The following NDST4 variants were observed in gnomAD, a reference collection of about 807,000 sequenced individuals.
The protein encoded by NDST4 is N-deacetylase and N-sulfotransferase 4.
In NDST4, 63 loss-of-function variants were observed where a neutral mutation model predicts 100.8. The observed-to-expected ratio is 0.62, with a 90% CI of 0.51 to 0.77. NDST4 has a LOEUF of 0.77. Among genes scored for constraint, NDST4 ranks in the 30% least tolerant of loss-of-function variants. The probability of loss-of-function intolerance (pLI) is 0.00; values close to 1 mark genes in which losing one functional copy is unlikely to be tolerated. For missense variants in NDST4, 943 were observed against 1,018.4 expected, an observed-to-expected ratio of 0.93 and a Z score of 1.01; for synonymous variants, 377 against 361.8, an observed-to-expected ratio of 1.04 and a Z score of -0.48.
intron 6 of NDST4, among the ~76,000 whole-genome samples, chr4:114,879,432 T>C (rs1724320593): frequency 6.6e-6 from 1 of 152,062 alleles, no homozygotes; most frequent in African/African-American, 2.4e-5. Flanking sequence ...GATGAGGTGA[T>C]GTCTTGTTTT....
chr4:114,939,613 A>G (rs1236435093), intron 4 of NDST4, among the ~76,000 whole-genome samples: 2 of 152,132 alleles, frequency 1.3e-5, no homozygotes, highest in Non-Finnish European at 2.9e-5. Flanking sequence ...ATATCAAACA[A>G]CTATATCTCC....
chr4:114,925,505 A>G (rs1209210078), intron 6 of NDST4, among the ~76,000 whole-genome samples: 2 of 152,170 alleles, frequency 1.3e-5, no homozygotes, highest in Admixed American at 6.5e-5. Context: ...CTGCTATTAG[A>G]TTCCATGAAC....
At chr4:115,108,646 A>G (rs1426911702) in intron 1 of NDST4, among the ~76,000 whole-genome samples, 1 of 151,872 alleles carries the variant, frequency 6.6e-6, no homozygotes, top group African/African-American at 2.4e-5. Flanking sequence ...GGAGTGTTGG[A>G]AAAAAAAGAA....
intron 7 of NDST4, among the ~76,000 whole-genome samples, chr4:114,856,833 T>C (rs555339783): frequency 1.1e-3 from 169 of 152,346 alleles, no homozygotes; most frequent in African/African-American, 3.9e-3. Context: ...TTTAGGAGCC[T>C]GCCACCTTTT....
At chr4:114,913,709 G>T (rs555698414) in intron 6 of NDST4, among the ~76,000 whole-genome samples, 1 of 146,476 alleles carries the variant, frequency 6.8e-6, no homozygotes, top group Non-Finnish European at 1.5e-5. Flanking sequence ...GAACCCCTGT[G>T]GGTTAATAAA....
intron 1 of NDST4, among the ~76,000 whole-genome samples, chr4:115,100,753 T>C (rs1026500366): frequency 6.6e-6 from 1 of 151,770 alleles, no homozygotes; most frequent in African/African-American, 2.4e-5. Flanking sequence ...GCACGGAGAA[T>C]TTCTGGAAAT....
At chr4:114,831,146 G>A (rs1245911099) in intron 12 of NDST4, among the ~76,000 whole-genome samples, 1 of 150,132 alleles carries the variant, frequency 6.7e-6, no homozygotes, top group African/African-American at 2.5e-5. Flanking sequence ...TCCGCTTCCC[G>A]GGTTCACGCC....
intron 2 of NDST4, among the ~76,000 whole-genome samples, chr4:115,024,195 T>C (rs1290514893): frequency 1.3e-5 from 2 of 152,030 alleles, no homozygotes; most frequent in African/African-American, 4.8e-5. Flanking sequence ...GTGAAGCCAC[T>C]CTAGAGAATC....
chr4:114,863,068 T>C (rs1723950846), intron 7 of NDST4, among the ~76,000 whole-genome samples: 1 of 152,188 alleles, frequency 6.6e-6, no homozygotes, highest in Admixed American at 6.6e-5. Flanking sequence ...CGGATGTTTG[T>C]ATTTTCTATT....
intron 1 of NDST4, among the ~76,000 whole-genome samples, chr4:115,081,915 T>G (rs1209617641): frequency 6.6e-6 from 1 of 152,154 alleles, no homozygotes; most frequent in East Asian, 1.9e-4. Context: ...TTATTAACCA[T>G]CAAACCAAGT....
chr4:115,106,135 T>A (rs1479430151), intron 1 of NDST4, among the ~76,000 whole-genome samples: 1 of 152,066 alleles, frequency 6.6e-6, no homozygotes, highest in Non-Finnish European at 1.5e-5. Flanking sequence ...GGCAAAAATA[T>A]CTGGTTCACC....
chr4:115,015,888 G>A (rs1424234442), intron 2 of NDST4, among the ~76,000 whole-genome samples: 1 of 151,990 alleles, frequency 6.6e-6, no homozygotes, highest in East Asian at 1.9e-4. Context: ...TCCTGATATG[G>A]TATCATTCCC....
chr4:114,844,115 T>C (rs1336472559), intron 10 of NDST4, among the ~76,000 whole-genome samples: 1 of 152,204 alleles, frequency 6.6e-6, no homozygotes, highest in Non-Finnish European at 1.5e-5. Context: ...GATTTTAATG[T>C]CTAAATATCT....
At chr4:115,111,595 A>T (rs1180496192) in intron 1 of NDST4, among the ~76,000 whole-genome samples, 1 of 151,686 alleles carries the variant, frequency 6.6e-6, no homozygotes. Flanking sequence ...ATATATTTGC[A>T]TTAATCAATT....
intron 6 of NDST4, among the ~76,000 whole-genome samples, chr4:114,900,996 T>G (rs560573573): frequency 3.8e-4 from 57 of 150,822 alleles, no homozygotes; most frequent in African/African-American, 1.3e-3. Flanking sequence ...TCCACTATAG[T>G]CTGAGATCAG....
intron 2 of NDST4, among the ~76,000 whole-genome samples, chr4:115,019,546 T>C (rs1727762516): frequency 6.6e-6 from 1 of 152,110 alleles, no homozygotes; most frequent in Non-Finnish European, 1.5e-5. Context: ...TAGAACTCAG[T>C]ATGTACGAGG....
Position 114,862,290 on chromosome 4 carries a change from G to C in NDST4, c.1719+8478C>G, listed in dbSNP as rs185355793. ...GGCAGTCCCAGAAGCTAGTTAATGA[G>C]TACACCATCACTTTAGAACTTAAAC... On this transcript the variant is annotated intron_variant, in intron 7 of 13. Transcript: ENST00000264363. Among the ~76,000 whole-genome samples the C allele has an allele frequency of 4.7e-4, 71 of 152,162 alleles. 1 individual carries two copies. Among genetic ancestry groups the C allele is most frequent in the African/African-American group, 1.6e-3 (67 of 41,514 alleles).
intron 6 of NDST4, among the ~76,000 whole-genome samples, chr4:114,874,562 T>G (rs2126198341): frequency 6.6e-6 from 1 of 152,314 alleles, no homozygotes; most frequent in Non-Finnish European, 1.5e-5. Flanking sequence ...GGTCAATTGG[T>G]TGCACTTTAA....
intron 7 of NDST4, among the ~76,000 whole-genome samples, chr4:114,870,140 A>ATC (rs1724116156): frequency 6.6e-6 from 1 of 152,170 alleles, no homozygotes; most frequent in Non-Finnish European, 1.5e-5. Flanking sequence ...CAAGAAGCAG[A>ATC]TAGTTTACAT....
Sources: allele counts gnomAD v4.1 joint callset (sites outside exome capture counted in the v4.1 genomes callset), GRCh38; gene constraint gnomAD v4.1.1; transcripts MANE v1.5; gene names NCBI Gene and HGNC (gene_info 2026-07-23, HGNC 2026-07-21).